NFIB: variants seen among roughly 807,000 people sequenced by gnomAD.
NFIB encodes nuclear factor 1 B-type.
Under a neutral mutation model 61.5 loss-of-function variants are expected in NFIB, and 11 were observed. The observed-to-expected ratio is 0.18, with a 90% confidence interval of 0.11 to 0.30. The LOEUF (loss-of-function observed/expected upper bound fraction) is 0.30, where lower values mean the gene tolerates loss of function less well. NFIB is among the 10% of genes least tolerant of loss of function. The pLI, the probability that NFIB is intolerant of heterozygous loss-of-function variation, is 1.00. For synonymous variants in NFIB, 260 were observed against 216.5 expected, an observed-to-expected ratio of 1.20 and a Z score of -1.76; for missense variants, 471 against 608.9, an observed-to-expected ratio of 0.77 and a Z score of 2.38.
At chr9:14,482,474 G>A in the NFIB span, among the ~76,000 whole-genome samples, 9 of 152,216 alleles carry the variant, frequency 5.9e-5, no homozygotes, top group African/African-American at 2.2e-4. Flanking sequence ...ATGTTCTTAG[G>A]AAGATGAATC....
chr9:14,484,417 C>T, the NFIB span, among the ~76,000 whole-genome samples: 1 of 152,334 alleles, frequency 6.6e-6, no homozygotes, highest in East Asian at 1.9e-4. Context: ...GCTAACTTCA[C>T]TTGTGGATTT....
intron 2 of NFIB, among the ~76,000 whole-genome samples, chr9:14,297,525 C>A (rs995570190): frequency 3.3e-5 from 5 of 152,130 alleles, no homozygotes; most frequent in African/African-American, 1.2e-4. Flanking sequence ...AACAAACAAA[C>A]AAACAAACCA....
the NFIB span, among the ~76,000 whole-genome samples, chr9:14,527,584 G>C: frequency 6.6e-6 from 1 of 152,128 alleles, no homozygotes; most frequent in East Asian, 1.9e-4. Context: ...CTGTGACATG[G>C]GTTTGATTCC....
In NFIB at chr9:14,212,272, T is replaced by C. The variant is rs536924249; in HGVS notation, c.563-32492A>G. The stretch of plus-strand genomic sequence containing the variant: ...CTACTCCAATTCACATTAAGGTTGA[T>C]GAGTCACATAAACCACTCACTGACT... On this transcript the variant is annotated intron_variant, in intron 2 of 10. Transcript: ENST00000380953. Among the ~76,000 whole-genome samples the C allele has an allele frequency of 8.1e-4, 124 of 152,346 alleles. 3 individuals are homozygous for C. The South Asian group carries it at 0.02, about 24-fold the overall frequency.
chr9:14,136,435 G>A (rs2041054369), intron 6 of NFIB, among the ~76,000 whole-genome samples: 1 of 152,104 alleles, frequency 6.6e-6, no homozygotes, highest in East Asian at 1.9e-4. Flanking sequence ...AGAGCCATGG[G>A]CTATAAAATA....
intron 2 of NFIB, among the ~76,000 whole-genome samples, chr9:14,296,277 C>A (rs551768846): frequency 2.0e-5 from 3 of 152,128 alleles, no homozygotes; most frequent in Non-Finnish European, 4.4e-5. Context: ...TTCATTTAAT[C>A]CTAAAGCAAC....
chr9:14,271,860 T>C (rs1194609792), intron 2 of NFIB, among the ~76,000 whole-genome samples: 1 of 152,200 alleles, frequency 6.6e-6, no homozygotes, highest in Non-Finnish European at 1.5e-5. Flanking sequence ...TGGTCCATCT[T>C]AAAAACACTC....
In NFIB at chr9:14,086,509, G is replaced by A. The variant is rs1242375098; in HGVS notation, c.*1800C>T. The A allele has an allele frequency of 7.0e-5, 15 of 214,282 alleles. No individual in the cohort carries two copies. In the Admixed American group the frequency reaches 7.6e-4, roughly 11 times the overall value. 13.3% of individuals were successfully genotyped at this position (214,282 alleles called of 1,614,324 possible). Reference sequence around the variant, plus strand: ...AACCCCTCCCCCCCAAATATTAATTGGAAGATGAAAAACATGAAAGGTTAA... The same window carrying A: ...AACCCCTCCCCCCCAAATATTAATTAGAAGATGAAAAACATGAAAGGTTAA... On this transcript the variant is annotated 3_prime_UTR_variant, in exon 11 of 11. Transcript: ENST00000380953.
In NFIB at chr9:14,336,740, C is replaced by CTTTA. The variant is rs112686351; in HGVS notation, c.109-29224_109-29221dup. Among the ~76,000 whole-genome samples, 340 of 151,016 alleles carry CTTTA rather than the reference C, an allele frequency of 2.3e-3. 1 individual carries two copies. The highest frequency in any genetic ancestry group is 7.7e-3 in the African/African-American group (316 of 41,000). ...GCTCTGCAGTCACCACATCGAAACA[C>CTTTA]TTTATTTATTTATTTATTTATTTAT... On this transcript the variant is annotated intron_variant, in intron 1 of 8. Coordinates refer to the NFIB transcript ENST00000380934.
At chr9:14,495,712 G>A in the NFIB span, among the ~76,000 whole-genome samples, 2 of 152,062 alleles carry the variant, frequency 1.3e-5, no homozygotes, top group African/African-American at 2.4e-5. Context: ...AAACACAGAT[G>A]GGAGACAATA....
chr9:14,134,854 C>A (rs939443001), intron 6 of NFIB, among the ~76,000 whole-genome samples: 1 of 140,638 alleles, frequency 7.1e-6, no homozygotes, highest in East Asian at 2.1e-4. Context: ...GCCAAGATCA[C>A]GCCACTGCTC....
intron 1 of NFIB, chr9:14,322,347 G>A (rs1006190520): frequency 3.2e-5 from 8 of 251,600 alleles, no homozygotes; most frequent in Non-Finnish European, 5.3e-5. Flanking sequence ...GTGTGTGTGT[G>A]GTGGGTTTTA....
intron 6 of NFIB, among the ~76,000 whole-genome samples, chr9:14,146,242 T>C (rs1243296242): frequency 1.3e-5 from 2 of 152,188 alleles, no homozygotes; most frequent in Non-Finnish European, 2.9e-5. Context: ...TTATTGTATA[T>C]GGTCTACCTA....
intron 3 of NFIB, among the ~76,000 whole-genome samples, chr9:14,165,844 G>A (rs2044724271): frequency 6.6e-6 from 1 of 152,154 alleles, no homozygotes; most frequent in African/African-American, 2.4e-5. Flanking sequence ...GTTGCCAGGG[G>A]CTGGGGAGAG....
chr9:14,403,641 A>G (rs1309008033), upstream of NFIB, among the ~76,000 whole-genome samples: 2 of 152,146 alleles, frequency 1.3e-5, no homozygotes, highest in African/African-American at 4.8e-5. Flanking sequence ...AATGCATGCC[A>G]TAGTTTTTCT....
chr9:14,427,934 GTTGTTTTTTTTTTT>G, the NFIB span, among the ~76,000 whole-genome samples: 1 of 25,946 alleles, frequency 3.9e-5, no homozygotes, highest in African/African-American at 1.1e-4. Context: ...CTTTAATTCA[GTTGTTTTTTTTTTT>G]TTTTTTTTTT....
intron 7 of NFIB, among the ~76,000 whole-genome samples, chr9:14,123,052 G>A (rs965164210): frequency 1.3e-5 from 2 of 151,980 alleles, no homozygotes; most frequent in Admixed American, 6.6e-5. Context: ...TCAGATGTTC[G>A]AGATCAGCCT....
At chr9:14,207,874 A>G (rs529265326) in intron 2 of NFIB, among the ~76,000 whole-genome samples, 1 of 152,236 alleles carries the variant, frequency 6.6e-6, no homozygotes, top group African/African-American at 2.4e-5. Flanking sequence ...CACCAACACA[A>G]TGTTCACCAC....
At position 14,294,558 on chromosome 9, in the gene NFIB, C is replaced by G. The variant is rs546469539; in HGVS notation, c.562+12431G>C. ...TTTCGAGTTTTGTGTATCCCATGAA[C>G]AGAACTGCTACTAAACACCAGTGTG... On this transcript the variant is annotated intron_variant, in intron 2 of 10. Transcript: ENST00000380953. Among the ~76,000 whole-genome samples, 6 of 152,264 alleles carry G rather than the reference C, an allele frequency of 3.9e-5. No individual in the cohort carries two copies. In the South Asian group the frequency reaches 1.2e-3, roughly 32 times the overall value.
Sources: gnomAD v4.1 joint callset for allele counts (sites outside exome capture counted in the v4.1 genomes callset) on GRCh38, gnomAD v4.1.1 for gene constraint, MANE v1.5 for transcripts, NCBI Gene and HGNC (gene_info 2026-07-23, HGNC 2026-07-21) for gene names.